Variants in MPP2 observed in about 807,000 individuals in gnomAD.
The protein encoded by MPP2 is MAGUK p55 scaffold protein 2, also known as MAGUK p55 subfamily member 2.
In MPP2, 42 loss-of-function variants were observed where a neutral mutation model predicts 58.5. The ratio of observed to expected loss-of-function variants is 0.72; its 90% CI spans 0.56 to 0.93. MPP2 has a LOEUF of 0.93. Ranked by LOEUF, MPP2 falls within the 40% of genes least tolerant of loss-of-function variation. MPP2 has a pLI of 0.00. For missense variants in MPP2, 632 were observed against 760.4 expected, an observed-to-expected ratio of 0.83 and a Z score of 1.99; for synonymous variants, 300 against 307.8, an observed-to-expected ratio of 0.97 and a Z score of 0.26.
At chr17:43,908,068 A>G, upstream of MPP2, 1 of 703,182 alleles carries the variant, frequency 1.4e-6, no homozygotes, top group Non-Finnish European at 1.7e-6. Context: ...GAAATTTTGC[A>G]AAAAAGAGGA....
chr17:43,878,064 A>C (rs1418263998), intron 12 of MPP2, 81 bp from the exon 13 acceptor site: 5 of 1,427,608 alleles, frequency 3.5e-6, no homozygotes, highest in Non-Finnish European at 4.7e-6. Flanking sequence ...AGCTGCCCCC[A>C]CTCCCCCTCC....
chr17:43,902,565 A>G (rs2048138648), intron 2 of MPP2, among the ~76,000 whole-genome samples: 1 of 152,198 alleles, frequency 6.6e-6, no homozygotes, highest in Non-Finnish European at 1.5e-5. Flanking sequence ...AGCTGGGGAC[A>G]TTGGTGCCAT....
Position 43,880,760 on chromosome 17 carries a change from C to T in MPP2, c.1081G>A (p.Val361Met), listed in dbSNP as rs762932371. 1.9e-5 allele frequency: 30 copies of T among 1,613,928 alleles called. No individual in the cohort carries two copies. The highest frequency in any genetic ancestry group is 2.3e-5 in the Non-Finnish European group (27 of 1,179,944). ...KTLVLIGAQGVGRRSLKNKLI... is the reference protein window; with the variant it reads ...KTLVLIGAQGMGRRSLKNKLI... ...TTGTTCTTCAGGCTGCGCCGTCCCA[C>T]GCCCTGAGCCCCAATCAGTACCAGG... The change falls in exon 10 of 13, where the codon GTG becomes ATG. Residue 361 changes from valine (V) to methionine (M), a missense_variant. Transcript: ENST00000269095. The surrounding 1 kb of genome is among the most constrained non-coding windows in gnomAD (Gnocchi z 5.2).
chr17:43,891,959 G>C (rs2047625549), intron 3 of MPP2, among the ~76,000 whole-genome samples: 1 of 152,158 alleles, frequency 6.6e-6, no homozygotes, highest in Non-Finnish European at 1.5e-5. Flanking sequence ...CTGAATTTCT[G>C]AATGTCCCCT....
chr17:43,909,675 G>A (rs1295375912), upstream of MPP2: 10 of 1,272,466 alleles, frequency 7.9e-6, no homozygotes, highest in African/African-American at 4.6e-5. Flanking sequence ...TGCATTCGTC[G>A]GTCAACAAGT....
At chr17:43,898,195 T>C (rs2143738720) in intron 3 of MPP2, 67 bp downstream of exon 3, 1 of 1,212,692 alleles carries the variant, frequency 8.2e-7, no homozygotes, top group Non-Finnish European at 1.2e-6. Context: ...CTGTAGCTAA[T>C]ACCCCATCCC....
intron 3 of MPP2, among the ~76,000 whole-genome samples, chr17:43,891,259 G>A (rs567713282): frequency 2.0e-5 from 3 of 152,182 alleles, no homozygotes; most frequent in Non-Finnish European, 4.4e-5. Flanking sequence ...GCTCATGCCT[G>A]TAATTCCTGC....
At position 43,883,212 on chromosome 17, in the gene MPP2, G is replaced by C. The variant is rs1428896308; in HGVS notation, c.294C>G (p.Pro98=). 1 of 1,604,718 alleles carries C rather than the reference G, an allele frequency of 6.2e-7. No homozygotes were observed. The highest frequency in any genetic ancestry group is 8.5e-7 in the Non-Finnish European group (1 of 1,175,120). ...CCTAGCAGCCAGGAACCTGGAAGTG[G>C]GGCTCCTGGAGGATGTGGGCCAGCT... ...AAELAHILQE[P]HFQSLLETHD... is the part of the protein sequence containing the mutation. The change falls in exon 4 of 13, where the codon CCC becomes CCG. Residue 98 remains proline, a synonymous_variant. Transcript: ENST00000269095.
upstream of MPP2, chr17:43,909,612 T>C (rs2048386246): frequency 4.7e-6 from 7 of 1,478,460 alleles, no homozygotes; most frequent in Non-Finnish European, 6.3e-6. Flanking sequence ...TCTCAGATTC[T>C]GGCCCACCTG....
chr17:43,901,565 A>C lies in MPP2; in HGVS notation c.31+2865T>G, dbSNP rs147640809. 721 of 985,478 alleles carry C rather than the reference A, an allele frequency of 7.3e-4. 1 individual carries two copies. The highest frequency in any genetic ancestry group is 8.2e-4 in the Non-Finnish European group (678 of 829,944). The allele number at this position is 985,478 out of a possible 1,614,324, so 61.0% of individuals were successfully genotyped here. A position where few individuals can be genotyped will look rare whatever the true frequency, so the allele number is the denominator to read the frequency against. On this transcript the variant is annotated intron_variant, in intron 2 of 12. Transcript: ENST00000269095. Reference sequence around the variant, plus strand: ...TCCCTGAGGAGTGGCACCAGGTCGCATTGCACCCCTGGTTGCCATGACAGT... The same window carrying C: ...TCCCTGAGGAGTGGCACCAGGTCGCCTTGCACCCCTGGTTGCCATGACAGT...
In MPP2 at chr17:43,899,661, G is replaced by A. The variant is rs371807152; in HGVS notation, c.32-1281C>T. Among the ~76,000 whole-genome samples the A allele has an allele frequency of 3.9e-5, 6 of 152,236 alleles. No homozygotes were observed. The South Asian group carries it at 6.2e-4, about 16-fold the overall frequency. On this transcript the variant is annotated intron_variant, in intron 2 of 12. Transcript: ENST00000269095. ...AGGAGCTAGGGAAACAGGCACTGGAGGCCTTGGTGTGACCCAAAGGCTGAG... is the reference window on the plus strand; with the variant it reads ...AGGAGCTAGGGAAACAGGCACTGGAAGCCTTGGTGTGACCCAAAGGCTGAG...
intron 2 of MPP2, chr17:43,900,643 G>A: frequency 7.0e-7 from 1 of 1,438,550 alleles, no homozygotes; most frequent in Non-Finnish European, 9.1e-7. Flanking sequence ...TGGGGAAGGC[G>A]GGAGTCGAGG....
chr17:43,878,033 C>T (rs1312085453), intron 12 of MPP2, 50 bp from the exon 13 acceptor site: 1 of 1,559,932 alleles, frequency 6.4e-7, no homozygotes, highest in Non-Finnish European at 8.7e-7. Context: ...ACAACTCACC[C>T]CCACTGTCAG....
chr17:43,907,597 TC>T (rs1389123691), upstream of MPP2: 1 of 984,744 alleles, frequency 1.0e-6, no homozygotes, highest in Non-Finnish European at 1.2e-6. Flanking sequence ...GGGGCGGAGG[TC>T]CGGAGGAGAG....
chr17:43,879,690 G>T lies in MPP2; in HGVS notation c.1353+92C>A. On this transcript the variant is annotated intron_variant, in intron 11 of 12. Transcript: ENST00000269095. The surrounding 1 kb of genome is among the most constrained non-coding windows in gnomAD (Gnocchi z 4.1). ...GAGGGCAAAGGGGGTACATGGGCGT[G>T]TTCAGGTGACAGGTGTCTGGAACTA... 7.0e-7 allele frequency: 1 copy of T among 1,422,324 alleles called. No homozygotes were observed. The allele number at this position is 1,422,324 out of a possible 1,614,324, so 88.1% of individuals were successfully genotyped here. A position where few individuals can be genotyped will look rare whatever the true frequency, so the allele number is the denominator to read the frequency against.
chr17:43,878,036 A>C, intron 12 of MPP2, 53 bp from the exon 13 acceptor site: 4 of 1,549,036 alleles, frequency 2.6e-6, no homozygotes, highest in Non-Finnish European at 3.5e-6. Flanking sequence ...ACTCACCCCC[A>C]CTGTCAGAAG....
At chr17:43,896,192 A>G (rs1392420122) in intron 3 of MPP2, among the ~76,000 whole-genome samples, 1 of 151,682 alleles carries the variant, frequency 6.6e-6, no homozygotes, top group Non-Finnish European at 1.5e-5. Flanking sequence ...GGTCACCTCC[A>G]CCACCATGCA....
chr17:43,881,686 G>A, intron 6 of MPP2, 97 bp from the exon 7 acceptor site: 1 of 1,470,688 alleles, frequency 6.8e-7, no homozygotes, highest in Non-Finnish European at 9.2e-7. Context: ...GAGACTAAGG[G>A]GCAATGGAAC....
chr17:43,906,115 A>C (rs1597819745), intron 1 of MPP2: 1 of 984,954 alleles, frequency 1.0e-6, no homozygotes, highest in Non-Finnish European at 1.2e-6. Flanking sequence ...GCTCTCCCTC[A>C]CAGGGTCAGA....
Sources: allele counts gnomAD v4.1 joint callset (sites outside exome capture counted in the v4.1 genomes callset), GRCh38; gene constraint gnomAD v4.1.1; non-coding constraint Gnocchi (gnomAD v3.1); transcripts MANE v1.5; gene names NCBI Gene and HGNC (gene_info 2026-07-23, HGNC 2026-07-21).